POLR3H: variants seen among roughly 807,000 people sequenced by gnomAD.
The protein encoded by POLR3H is RNA polymerase III subunit H, also known as DNA-directed RNA polymerase III subunit RPC8.
A neutral mutation model predicts 25.5 loss-of-function variants in POLR3H; 17 were observed. That is an observed-to-expected ratio of 0.67 (90% CI 0.46 to 1.00). POLR3H has a LOEUF of 1.00. Among genes scored for constraint, POLR3H ranks in the 50% least tolerant of loss-of-function variants. The pLI is 0.00. For synonymous variants in POLR3H, 129 were observed against 103.0 expected, an observed-to-expected ratio of 1.25 and a Z score of -1.53; for missense variants, 274 against 265.0, an observed-to-expected ratio of 1.03 and a Z score of -0.24.
At chr22:41,530,930 G>A in intron 4 of POLR3H, 42 bp from the exon 5 acceptor site, 1 of 1,598,524 alleles carries the variant, frequency 6.3e-7, no homozygotes, top group Non-Finnish European at 8.6e-7. Context: ...GATAGTGGGA[G>A]GGGCTTCCCT....
At chr22:41,531,923 TG>T (rs1244898566) in intron 4 of POLR3H, among the ~76,000 whole-genome samples, 170 bp downstream of exon 4, 4 of 152,150 alleles carry the variant, frequency 2.6e-5, no homozygotes, top group Non-Finnish European at 5.9e-5. Context: ...ACTCCCTGCA[TG>T]GGAGGCACAG....
rs530966775 is a variant in POLR3H at position 41,526,628 on chromosome 22, T to C, written c.*2655A>G. On this transcript the variant is annotated 3_prime_UTR_variant, in exon 6 of 6. Coordinates refer to ENST00000355209, the MANE Select transcript of POLR3H (RefSeq NM_001018050.4). Reference sequence around the variant, plus strand: ...GCCCCTCCCTGTGGCTGAGAAGGCATGAGGCCCAGGTCCGGTGGTACAGCC... The same window carrying C: ...GCCCCTCCCTGTGGCTGAGAAGGCACGAGGCCCAGGTCCGGTGGTACAGCC... The C allele has an allele frequency of 1.6e-6, 1 of 626,454 alleles. No individual in the cohort carries two copies. The highest frequency in any genetic ancestry group is 3.0e-5 in the East Asian group (1 of 33,680). The allele number at this position is 626,454 out of a possible 1,614,324, so 38.8% of individuals were successfully genotyped here.
In POLR3H at chr22:41,529,250, C is replaced by T. The variant is rs1045110849; in HGVS notation, c.*33G>A. On this transcript the variant is annotated 3_prime_UTR_variant, in exon 6 of 6. Transcript: ENST00000355209. ...CACAGCCGGCCATACCACCTTCCCG[C>T]AGGCTGGTAGGGTCCACTGTCCAGC... 3 of 1,594,168 alleles carry T rather than the reference C, an allele frequency of 1.9e-6. No individual in the cohort carries two copies. In the African/African-American group the frequency reaches 4.0e-5, roughly 21 times the overall value.
rs370993475 is a variant in POLR3H, at chr22:41,540,815, G to A, written c.112-20C>T. 3 of 1,587,600 alleles carry A rather than the reference G, an allele frequency of 1.9e-6. No individual in the cohort carries two copies. The African/African-American group carries it at 4.0e-5, about 21-fold the overall frequency. On this transcript the variant is annotated intron_variant, in intron 1 of 5. Transcript: ENST00000355209. ...CACGACCTGCATGCATACAAACACAGACACACAAGTACACATGGATACAGA... is the reference window on the plus strand; with the variant it reads ...CACGACCTGCATGCATACAAACACAAACACACAAGTACACATGGATACAGA...
At position 41,528,218 on chromosome 22, in the gene POLR3H, CACCTCCCCA is replaced by C. The variant is rs2066644717; in HGVS notation, c.*1056_*1064del. 17 of 899,092 alleles carry C rather than the reference CACCTCCCCA, an allele frequency of 1.9e-5. No homozygotes were observed. In the East Asian group the frequency reaches 4.5e-4, roughly 24 times the overall value. 55.7% of individuals were successfully genotyped at this position (899,092 alleles called of 1,614,324 possible). ...GGTTGGAGTCAACCCGGGGCCCTCA[CACCTCCCCA>C]ACCTCCCTTTACTCACCAGGACCTG... On this transcript the variant is annotated 3_prime_UTR_variant, in exon 6 of 6. Coordinates refer to ENST00000355209, the MANE Select transcript of POLR3H (RefSeq NM_001018050.4).
chr22:41,530,346 G>A (rs1193082547), intron 5 of POLR3H, among the ~76,000 whole-genome samples: 3 of 151,968 alleles, frequency 2.0e-5, no homozygotes, highest in African/African-American at 4.8e-5. Context: ...GGCCTCACAC[G>A]ATCCTCCCAC....
chr22:41,528,985 T>G lies in POLR3H; in HGVS notation c.*298A>C. Reference sequence around the variant, plus strand: ...AAGAATCCAAAACCAGTGACTGTTCTGTGAGTGATTGGTGTCTGTGCCGTT... The same window carrying G: ...AAGAATCCAAAACCAGTGACTGTTCGGTGAGTGATTGGTGTCTGTGCCGTT... On this transcript the variant is annotated 3_prime_UTR_variant, in exon 6 of 6. Coordinates refer to ENST00000355209, the MANE Select transcript of POLR3H (RefSeq NM_001018050.4). 1 of 535,438 alleles carries G rather than the reference T, an allele frequency of 1.9e-6. No individual in the cohort carries two copies. The highest frequency in any genetic ancestry group is 2.6e-5 in the South Asian group (1 of 38,886). The allele number at this position is 535,438 out of a possible 1,614,324, so 33.2% of individuals were successfully genotyped here.
In POLR3H at chr22:41,544,436, A is replaced by ACCACGCACCGCGCACCG. The variant is rs1555894499; in HGVS notation, c.-336_-335insCGGTGCGCGGTGCGTGG. 115 of 187,216 alleles carry ACCACGCACCGCGCACCG rather than the reference A, an allele frequency of 6.1e-4. 1 individual carries two copies. The highest frequency in any genetic ancestry group is 2.5e-3 in the African/African-American group (107 of 42,076). The allele number at this position is 187,216 out of a possible 1,614,324, so 11.6% of individuals were successfully genotyped here. A position where few individuals can be genotyped will look rare whatever the true frequency, so the allele number is the denominator to read the frequency against. ...CCGCTCGTATCACGCACCACGCACCACGCACCGCGCACAGCCGCTCGCGCT... is the reference window on the plus strand; with the variant it reads ...CCGCTCGTATCACGCACCACGCACCACCACGCACCGCGCACCGCGCACCGCGCACAGCCGCTCGCGCT... On this transcript the variant is annotated 5_prime_UTR_variant, in exon 1 of 6. Transcript: ENST00000355209.
intron 4 of POLR3H, among the ~76,000 whole-genome samples, chr22:41,531,412 G>T (rs941872733): frequency 6.6e-6 from 1 of 152,198 alleles, no homozygotes; most frequent in Non-Finnish European, 1.5e-5. Flanking sequence ...ACCCAGAGCC[G>T]TGCTGCCACC....
At chr22:41,529,357 G>A (rs367863850) in intron 5 of POLR3H, 21 bp from the exon 6 acceptor site, 105 of 1,612,206 alleles carry the variant, frequency 6.5e-5, no homozygotes, top group Middle Eastern at 3.3e-4. Flanking sequence ...TAAAGAACAC[G>A]CACATTTCAC....
intron 2 of POLR3H, among the ~76,000 whole-genome samples, chr22:41,538,650 G>A (rs772374710): frequency 4.6e-5 from 7 of 152,140 alleles, no homozygotes; most frequent in Non-Finnish European, 1.0e-4. Flanking sequence ...GTCCAAATGC[G>A]GAGACTGGGC....
At position 41,544,014 on chromosome 22, in the gene POLR3H, G is replaced by A. The variant is rs147394138; in HGVS notation, c.88C>T (p.Leu30=). 3 of 1,613,616 alleles carry A rather than the reference G, an allele frequency of 1.9e-6. No homozygotes were observed. ...RKLNDSIAEE[L]NKKLANKVVY... is the part of the protein sequence containing the mutation. The stretch of plus-strand genomic sequence containing the variant: ...ACCTTGTTGGCCAACTTCTTGTTCA[G>A]CTCCTCGGCAATGGAGTCGTTGAGC... Residue 30 remains leucine (L), a synonymous_variant, in exon 1 of 6, where the codon CTG becomes TTG. Transcript: ENST00000355209.
chr22:41,529,622 G>A, intron 5 of POLR3H: 3 of 694,544 alleles, frequency 4.3e-6, no homozygotes, highest in East Asian at 2.8e-5. Context: ...AATCGTGGCA[G>A]GAAGGCTGAG....
At position 41,528,627 on chromosome 22, in the gene POLR3H, C is replaced by A; in HGVS notation, c.*656G>T. 6.4e-7 allele frequency: 1 copy of A among 1,552,470 alleles called. No homozygotes were observed. Among genetic ancestry groups the A allele is most frequent in the Non-Finnish European group, 8.7e-7 (1 of 1,152,728 alleles). The stretch of plus-strand genomic sequence containing the variant: ...CTGCAACAGTGAGGGCAGTGCCTCC[C>A]CGCCCCGCCGCTGGCGTCAAGTTCA... On this transcript the variant is annotated 3_prime_UTR_variant, in exon 6 of 6. Transcript: ENST00000355209.
intron 5 of POLR3H, 22 bp downstream of exon 5, chr22:41,530,665 C>T (rs1324091612): frequency 6.2e-7 from 1 of 1,600,356 alleles, no homozygotes; most frequent in Non-Finnish European, 8.5e-7. Context: ...ATGGGGGCTT[C>T]AGCACCATCA....
chr22:41,540,942 C>T, intron 1 of POLR3H, 147 bp from the exon 2 acceptor site: 2 of 640,994 alleles, frequency 3.1e-6, no homozygotes, highest in Admixed American at 5.2e-5. Context: ...TGGAGGGGAC[C>T]AGGGTAAGGA....
chr22:41,527,635 G>A lies in POLR3H; in HGVS notation c.*1648C>T, dbSNP rs934789793. 1.5e-5 allele frequency: 12 copies of A among 808,906 alleles called. No individual in the cohort carries two copies. The highest frequency in any genetic ancestry group is 1.4e-4 in the African/African-American group (8 of 57,674). 50.1% of individuals were successfully genotyped at this position (808,906 alleles called of 1,614,324 possible). A position where few individuals can be genotyped will look rare whatever the true frequency, so the allele number is the denominator to read the frequency against. ...GCCCTGCTTCCAGGCTTGTAGATCT[G>A]AGCCGCTGAGATCTAGGACATGTGC... is the stretch of plus-strand genomic sequence containing the variant. On this transcript the variant is annotated 3_prime_UTR_variant, in exon 6 of 6. Coordinates refer to ENST00000355209, the MANE Select transcript of POLR3H (RefSeq NM_001018050.4).
rs1204190430 is a variant in POLR3H, at chr22:41,526,944, T to TA, written c.*2338_*2339insT. On this transcript the variant is annotated 3_prime_UTR_variant, in exon 6 of 6. Transcript: ENST00000355209. ...AGGGTGCTCCCAGGAAGGGGGCGCC[T>TA]TGAGCTTCACAGATGCATCTTGTGT... 2 of 392,932 alleles carry TA rather than the reference T, an allele frequency of 5.1e-6. No homozygotes were observed. Among genetic ancestry groups the TA allele is most frequent in the African/African-American group, 2.1e-5 (1 of 48,210 alleles). The allele number at this position is 392,932 out of a possible 1,614,324, so 24.3% of individuals were successfully genotyped here.
intron 4 of POLR3H, among the ~76,000 whole-genome samples, chr22:41,531,692 C>A (rs537837010): frequency 5.9e-5 from 9 of 152,340 alleles, no homozygotes; most frequent in African/African-American, 2.2e-4. Flanking sequence ...CACATCTTAG[C>A]CCACGACCCG....
Sources: allele counts gnomAD v4.1 joint callset (sites outside exome capture counted in the v4.1 genomes callset), GRCh38; gene constraint gnomAD v4.1.1; transcripts MANE v1.5; gene names NCBI Gene and HGNC (gene_info 2026-07-23, HGNC 2026-07-21).